The following MSI2 variants were observed in gnomAD, a reference collection of about 807,000 sequenced individuals.
MSI2 encodes the protein RNA-binding protein Musashi homolog 2.
In MSI2, 17 loss-of-function variants were observed where a neutral mutation model predicts 45.6. The ratio of observed to expected loss-of-function variants is 0.37; its 90% CI spans 0.26 to 0.56. MSI2 has a LOEUF of 0.56. Ranked by LOEUF, MSI2 falls within the 20% of genes least tolerant of loss-of-function variation. The pLI is 0.77. For synonymous variants in MSI2, 156 were observed against 158.2 expected, an observed-to-expected ratio of 0.99 and a Z score of 0.11; for missense variants, 293 against 444.2, an observed-to-expected ratio of 0.66 and a Z score of 3.06.
At chr17:57,333,634 G>T (rs944858811) in intron 5 of MSI2, among the ~76,000 whole-genome samples, 4 of 151,884 alleles carry the variant, frequency 2.6e-5, no homozygotes, top group Non-Finnish European at 4.4e-5. Flanking sequence ...TAGAGACAGG[G>T]TTTTGCCATG....
At chr17:57,295,972 TACCAGTTC>T (rs1017199731) in intron 5 of MSI2, among the ~76,000 whole-genome samples, 11 of 148,044 alleles carry the variant, frequency 7.4e-5, no homozygotes, top group Admixed American at 4.8e-4. Flanking sequence ...AAGTTTGAGT[TACCAGTTC>T]ACGCAGCCTT....
chr17:57,424,857 C>G (rs1289077553), intron 6 of MSI2, among the ~76,000 whole-genome samples: 3 of 152,006 alleles, frequency 2.0e-5, no homozygotes, highest in African/African-American at 4.8e-5. Flanking sequence ...GGCTTAGAAC[C>G]AAGAGGGAGG....
At chr17:57,399,678 C>T (rs2083953245) in intron 5 of MSI2, among the ~76,000 whole-genome samples, 1 of 152,162 alleles carries the variant, frequency 6.6e-6, no homozygotes, top group African/African-American at 2.4e-5. Flanking sequence ...AGCAAGAGCT[C>T]CCTGGAGTCT....
chr17:57,696,664 G>A, the MSI2 span, among the ~76,000 whole-genome samples: 43 of 152,306 alleles, frequency 2.8e-4, no homozygotes, highest in African/African-American at 9.9e-4. Context: ...GAGCCCAGGA[G>A]TTCAAGGCTG....
intron 6 of MSI2, among the ~76,000 whole-genome samples, chr17:57,513,452 C>G (rs2086400598): frequency 6.6e-6 from 1 of 152,198 alleles, no homozygotes; most frequent in African/African-American, 2.4e-5. Flanking sequence ...TCCCATTAGT[C>G]TGTACTGGTG....
chr17:57,471,275 C>T (rs1198828019), intron 6 of MSI2, among the ~76,000 whole-genome samples: 2 of 140,230 alleles, frequency 1.4e-5, no homozygotes, highest in Non-Finnish European at 3.0e-5. Flanking sequence ...ATTTATGGAG[C>T]ACTTTTTTTT....
chr17:57,591,630 G>T (rs1904839088), intron 7 of MSI2, among the ~76,000 whole-genome samples: 1 of 151,044 alleles, frequency 6.6e-6, no homozygotes, highest in Admixed American at 6.6e-5. Context: ...GACAGCCTGA[G>T]ATAAGAGGAT....
intron 6 of MSI2, among the ~76,000 whole-genome samples, chr17:57,463,242 C>T (rs1007434941): frequency 3.3e-5 from 5 of 152,134 alleles, no homozygotes; most frequent in African/African-American, 9.7e-5. Context: ...GGGGCTGGAC[C>T]TTCCAGCATT....
At chr17:57,445,967 T>A (rs938399163) in intron 6 of MSI2, among the ~76,000 whole-genome samples, 4 of 152,134 alleles carry the variant, frequency 2.6e-5, no homozygotes, top group African/African-American at 9.7e-5. Flanking sequence ...CCAGGCACTG[T>A]TCCGGGTATT....
intron 6 of MSI2, among the ~76,000 whole-genome samples, chr17:57,423,540 T>C (rs1258135375): frequency 6.6e-6 from 1 of 152,196 alleles, no homozygotes; most frequent in East Asian, 1.9e-4. Flanking sequence ...TTGAAGTGTC[T>C]GTTGCGTGGA....
At chr17:57,399,485 A>AG (rs1180651616) in intron 5 of MSI2, among the ~76,000 whole-genome samples, 1 of 149,378 alleles carries the variant, frequency 6.7e-6, no homozygotes. Flanking sequence ...ACTAAGCTAA[A>AG]CAAGAGCTCC....
intron 6 of MSI2, among the ~76,000 whole-genome samples, chr17:57,411,978 G>A (rs1457527944): frequency 1.3e-5 from 2 of 151,194 alleles, no homozygotes; most frequent in Non-Finnish European, 2.9e-5. Context: ...TTGCACTCCA[G>A]CCTGGGCGAC....
intron 7 of MSI2, among the ~76,000 whole-genome samples, chr17:57,584,150 G>C (rs2111018): frequency 0.17 from 25,440 of 151,994 alleles, 2,214 homozygotes; most frequent in Middle Eastern, 0.24. Flanking sequence ...ATTCCTCCCT[G>C]TCACTATCCC....
chr17:57,494,440 G>C (rs1015613180), intron 6 of MSI2, among the ~76,000 whole-genome samples: 1 of 152,144 alleles, frequency 6.6e-6, no homozygotes, highest in Non-Finnish European at 1.5e-5. Context: ...TTGGGGGCTG[G>C]AGAAGTAGAG....
At chr17:57,315,891 T>TTAGG (rs1912812735) in intron 5 of MSI2, among the ~76,000 whole-genome samples, 1 of 152,122 alleles carries the variant, frequency 6.6e-6, no homozygotes, top group South Asian at 2.1e-4. Context: ...TCTGTCTAAA[T>TTAGG]TAGGTCCTTG....
intron 5 of MSI2, among the ~76,000 whole-genome samples, chr17:57,368,976 A>G (rs533704047): frequency 1.3e-5 from 2 of 152,318 alleles, no homozygotes; most frequent in African/African-American, 4.8e-5. Context: ...GGGGTCAGAA[A>G]TAGGGTCACC....
intron 6 of MSI2, among the ~76,000 whole-genome samples, chr17:57,482,816 T>C (rs2085675027): frequency 6.6e-6 from 1 of 152,210 alleles, no homozygotes; most frequent in African/African-American, 2.4e-5. Context: ...CCAGATGCAC[T>C]GGACTGTGGG....
At chr17:57,672,777 T>A (rs1302700114) in intron 11 of MSI2, among the ~76,000 whole-genome samples, 1 of 150,214 alleles carries the variant, frequency 6.7e-6, no homozygotes, top group Non-Finnish European at 1.5e-5. Context: ...CTTCTTCTGT[T>A]TTCCTGAGCT....
At chr17:57,284,855 G>A (rs1471770239) in intron 5 of MSI2, among the ~76,000 whole-genome samples, 1 of 151,882 alleles carries the variant, frequency 6.6e-6, no homozygotes, top group African/African-American at 2.4e-5. Context: ...GCTCAAGTTG[G>A]CCAGGGGTTT....
Sources: gnomAD v4.1 joint callset for allele counts (sites outside exome capture counted in the v4.1 genomes callset) on GRCh38, gnomAD v4.1.1 for gene constraint, MANE v1.5 for transcripts, NCBI Gene and HGNC (gene_info 2026-07-23, HGNC 2026-07-21) for gene names.